Variants in HSD17B12 observed in about 807,000 individuals in gnomAD.
The protein encoded by HSD17B12 is very-long-chain 3-oxoacyl-CoA reductase.
Under a neutral mutation model 39.3 loss-of-function variants are expected in HSD17B12, and 32 were observed. The ratio of observed to expected loss-of-function variants is 0.81; its 90% CI spans 0.61 to 1.09. HSD17B12 has a LOEUF of 1.09. Among genes scored for constraint, HSD17B12 ranks in the 50% least tolerant of loss-of-function variants. The pLI is 0.00. For missense variants in HSD17B12, 342 were observed against 382.9 expected (o/e 0.89, Z 0.89); for synonymous variants, 150 against 146.7 (o/e 1.02, Z -0.16).
chr11:43,582,280 A>G, the HSD17B12 span, among the ~76,000 whole-genome samples: 1 of 152,232 alleles, frequency 6.6e-6, no homozygotes, highest in South Asian at 2.1e-4. Flanking sequence ...CAGAAGCAGC[A>G]GCAGCAGCAG....
the HSD17B12 span, chr11:43,579,553 G>GGTCGGTCGGCTCACTGGTA: frequency 6.6e-6 from 1 of 152,258 alleles, no homozygotes; most frequent in Admixed American, 6.5e-5. Flanking sequence ...GTCGGCTGGT[G>GGTCGGTCGGCTCACTGGTA]GTCGGTCGGC....
intron 3 of HSD17B12, among the ~76,000 whole-genome samples, chr11:43,756,911 G>T (rs1233230515): frequency 1.3e-5 from 2 of 152,202 alleles, no homozygotes; most frequent in Non-Finnish European, 2.9e-5. Flanking sequence ...GGAACAGATG[G>T]TAAAGACACT....
the HSD17B12 span, among the ~76,000 whole-genome samples, chr11:43,587,404 T>C: frequency 1.3e-5 from 2 of 152,190 alleles, no homozygotes; most frequent in African/African-American, 4.8e-5. Flanking sequence ...ATTTTTTTCA[T>C]TGAGTCTCTA....
intron 9 of HSD17B12, chr11:43,854,141 G>A (rs1372265830): frequency 2.6e-5 from 4 of 152,282 alleles, no homozygotes; most frequent in Admixed American, 6.5e-5. Context: ...AAGAAAAAAA[G>A]GGAGGTGGTT....
At chr11:43,814,155 GTTA>G (rs1951099327) in intron 4 of HSD17B12, among the ~76,000 whole-genome samples, 1 of 143,096 alleles carries the variant, frequency 7.0e-6, no homozygotes, top group Admixed American at 6.8e-5. Context: ...TTATTATTCA[GTTA>G]TTATGATTTT....
chr11:43,753,474 A>G (rs10768977), intron 2 of HSD17B12, among the ~76,000 whole-genome samples: 147,292 of 147,294 alleles, frequency 1, 73,645 homozygotes, highest in Non-Finnish European at 1. Context: ...CTGCAGTCTA[A>G]ACTTCCTGGG....
the HSD17B12 span, among the ~76,000 whole-genome samples, chr11:43,613,375 G>A: frequency 1.3e-5 from 2 of 151,074 alleles, no homozygotes; most frequent in Admixed American, 1.3e-4. Flanking sequence ...CTGGCTAACA[G>A]AGGGGAACTC....
At chr11:43,819,665 A>G (rs1437527384) in intron 6 of HSD17B12, among the ~76,000 whole-genome samples, 1 of 152,186 alleles carries the variant, frequency 6.6e-6, no homozygotes, top group East Asian at 1.9e-4. Context: ...TGGCATATAT[A>G]CTTGTTCCCA....
At chr11:43,734,447 G>A (rs1950298158) in intron 1 of HSD17B12, 2 of 725,626 alleles carry the variant, frequency 2.8e-6, no homozygotes, top group East Asian at 5.4e-5. Flanking sequence ...CACCGCAGGG[G>A]ACAGCCTGAT....
chr11:43,852,397 T>A (rs1590351477), intron 9 of HSD17B12: 2 of 151,718 alleles, frequency 1.3e-5, no homozygotes, highest in East Asian at 3.9e-4. Flanking sequence ...GATTAGACCA[T>A]CTCTACCTCT....
At chr11:43,768,967 A>G (rs1305627578) in intron 3 of HSD17B12, among the ~76,000 whole-genome samples, 1 of 152,190 alleles carries the variant, frequency 6.6e-6, no homozygotes, top group Non-Finnish European at 1.5e-5. Context: ...ACAATCCTCT[A>G]GCTAGACAGA....
At chr11:43,689,535 A>AT (rs1047623465) in intron 1 of HSD17B12, among the ~76,000 whole-genome samples, 3 of 151,702 alleles carry the variant, frequency 2.0e-5, no homozygotes, top group African/African-American at 7.3e-5. Flanking sequence ...ATTTTATTCT[A>AT]TTTTATATTT....
upstream of HSD17B12, among the ~76,000 whole-genome samples, chr11:43,677,844 G>C (rs1230298076): frequency 6.6e-6 from 1 of 152,176 alleles, no homozygotes; most frequent in East Asian, 1.9e-4. Context: ...GTCTATCATT[G>C]TTGGACATTC....
intron 1 of HSD17B12, among the ~76,000 whole-genome samples, chr11:43,735,285 C>T (rs1295792511): frequency 1.3e-5 from 2 of 152,116 alleles, no homozygotes; most frequent in Admixed American, 1.3e-4. Context: ...GGGCTATATA[C>T]CTAGGAGTGG....
chr11:43,570,574 C>A, the HSD17B12 span, among the ~76,000 whole-genome samples: 75 of 152,062 alleles, frequency 4.9e-4, no homozygotes, highest in Non-Finnish European at 5.9e-4. Context: ...CCTGTTAGGC[C>A]CTAAAATTTG....
At chr11:43,666,753 G>A in the HSD17B12 span, among the ~76,000 whole-genome samples, 2 of 152,204 alleles carry the variant, frequency 1.3e-5, no homozygotes. Context: ...TAGATAATGT[G>A]AATGTCGTTC....
In HSD17B12 at chr11:43,754,114, T is replaced by C; in HGVS notation, c.276T>C (p.Ser92=). The change falls in exon 3 of 11, where the codon AGT becomes AGC. Residue 92 remains serine (S), a synonymous_variant. Transcript: ENST00000278353. ...RSKDKLDQVS[S]EIKEKFKVET... ...AGGATAAACTTGACCAGGTTTCCAG[T>C]GAAATAAGTAAGTTCTCACATCAAA... The C allele has an allele frequency of 6.2e-7, 1 of 1,608,234 alleles. No individual in the cohort carries two copies. Among genetic ancestry groups the C allele is most frequent in the Non-Finnish European group, 8.5e-7 (1 of 1,175,356 alleles).
the HSD17B12 span, among the ~76,000 whole-genome samples, chr11:43,651,739 T>C: frequency 0.89 from 135,789 of 152,080 alleles, 61,910 homozygotes; most frequent in Non-Finnish European, 0.98. Flanking sequence ...CACCACCACA[T>C]CCAGTTATTT....
Position 43,831,211 on chromosome 11 carries a change from A to C in HSD17B12, c.536+201A>C. Reference sequence around the variant, plus strand: ...GCCTTTTCCACTCGATTCCCTTTTTATTTCTCTCTCTAGGGTTGTAGTGGT... The same window carrying C: ...GCCTTTTCCACTCGATTCCCTTTTTCTTTCTCTCTCTAGGGTTGTAGTGGT... On this transcript the variant is annotated intron_variant, in intron 7 of 10. Coordinates refer to ENST00000278353, the MANE Select transcript of HSD17B12 (RefSeq NM_016142.3). The surrounding 1 kb of genome is among the most constrained non-coding windows in gnomAD (Gnocchi z 4.1). 2.4e-6 allele frequency: 1 copy of C among 423,380 alleles called. No individual in the cohort carries two copies. The highest frequency in any genetic ancestry group is 4.2e-6 in the Non-Finnish European group (1 of 236,524). 26.2% of individuals were successfully genotyped at this position (423,380 alleles called of 1,614,324 possible).
Sources: allele counts gnomAD v4.1 joint callset (sites outside exome capture counted in the v4.1 genomes callset), GRCh38; gene constraint gnomAD v4.1.1; non-coding constraint Gnocchi (gnomAD v3.1); transcripts MANE v1.5; gene names NCBI Gene and HGNC (gene_info 2026-07-23, HGNC 2026-07-21).